Variants in IKZF1 observed in about 807,000 individuals in gnomAD.
The protein encoded by IKZF1 is IKAROS family zinc finger 1, also known as DNA-binding protein Ikaros.
IKZF1 carries 10 observed loss-of-function variants against 51.7 expected under a neutral mutation model. The ratio of observed to expected loss-of-function variants is 0.19; its 90% CI spans 0.12 to 0.33. IKZF1 has a LOEUF of 0.33. Among genes scored for constraint, IKZF1 ranks in the 10% least tolerant of loss-of-function variants. IKZF1 has a pLI of 1.00. For missense variants in IKZF1, 484 were observed against 707.5 expected, an observed-to-expected ratio of 0.68 and a Z score of 3.58; for synonymous variants, 280 against 282.3, an observed-to-expected ratio of 0.99 and a Z score of 0.08.
At chr7:50,387,283 T>G in intron 5 of IKZF1, 62 bp from the exon 6 acceptor site, 1 of 1,547,920 alleles carries the variant, frequency 6.5e-7, no homozygotes, top group Non-Finnish European at 8.7e-7. Flanking sequence ...ATTGCATGCA[T>G]TCCCCTTACA....
At chr7:50,382,488 C>T (rs1174662165) in intron 4 of IKZF1, 52 bp from the exon 5 acceptor site, 3 of 1,565,658 alleles carry the variant, frequency 1.9e-6, no homozygotes, top group Non-Finnish European at 1.7e-6. Flanking sequence ...GCATCGTCCT[C>T]ATGTCCCCAC....
At chr7:50,389,848 C>G (rs193132836) in intron 6 of IKZF1, among the ~76,000 whole-genome samples, 1 of 152,272 alleles carries the variant, frequency 6.6e-6, no homozygotes, top group Admixed American at 6.5e-5. Flanking sequence ...TGATGCATCT[C>G]TCCTCCTCTG....
chr7:50,322,277 AACAAG>A, intron 2 of IKZF1, among the ~76,000 whole-genome samples: 1 of 152,360 alleles, frequency 6.6e-6, no homozygotes, highest in East Asian at 1.9e-4. Context: ...AAGAAATCTT[AACAAG>A]AATATGTTCC....
intron 3 of IKZF1, among the ~76,000 whole-genome samples, chr7:50,349,505 C>A (rs1166860526): frequency 6.6e-6 from 1 of 152,122 alleles, no homozygotes; most frequent in African/African-American, 2.4e-5. Context: ...GGAGTGGGAA[C>A]AAAACGTGGA....
At chr7:50,344,605 A>G (rs1315276586) in intron 3 of IKZF1, among the ~76,000 whole-genome samples, 2 of 152,136 alleles carry the variant, frequency 1.3e-5, no homozygotes, top group Admixed American at 6.5e-5. Context: ...AAGCTGTTAT[A>G]CTCCCGTTAT....
At chr7:50,334,424 GTGTGTT>G (rs1797107530) in intron 3 of IKZF1, among the ~76,000 whole-genome samples, 1 of 152,042 alleles carries the variant, frequency 6.6e-6, no homozygotes, top group African/African-American at 2.4e-5. Context: ...TGTGGCATGT[GTGTGTT>G]TGTATCTATG....
At chr7:50,326,020 T>C (rs1009390804) in intron 2 of IKZF1, among the ~76,000 whole-genome samples, 1 of 152,242 alleles carries the variant, frequency 6.6e-6, no homozygotes, top group African/African-American at 2.4e-5. Flanking sequence ...GCTGGAATAT[T>C]AAATTGTGAT....
At chr7:50,395,419 G>A (rs1816434680) in intron 7 of IKZF1, among the ~76,000 whole-genome samples, 1 of 152,040 alleles carries the variant, frequency 6.6e-6, no homozygotes, top group South Asian at 2.1e-4. Context: ...TTAAAAATAT[G>A]TACTATGAAA....
chr7:50,304,960 G>A (rs1256399349), intron 1 of IKZF1, 38 bp downstream of exon 1: 3 of 152,680 alleles, frequency 2.0e-5, no homozygotes, highest in Middle Eastern at 3.4e-3. Context: ...AGGAAAACTT[G>A]GGGTAACTGG....
chr7:50,312,685 T>C (rs1237368100), intron 1 of IKZF1, among the ~76,000 whole-genome samples: 1 of 152,224 alleles, frequency 6.6e-6, no homozygotes. Context: ...TTTGAAAGGT[T>C]TCCTTAGTTC....
rs1429265956 is a variant in IKZF1 at position 50,405,101 on chromosome 7, A to G, written c.*4474A>G. On this transcript the variant is annotated 3_prime_UTR_variant, in exon 8 of 8. Transcript: ENST00000331340. ...TTGGAGGTTATGACTCCTTGGTGAA[A>G]CCTTCTCACATTCTCATTGGAAGCA... 5.4e-6 allele frequency: 1 copy of G among 184,736 alleles called. No individual in the cohort carries two copies. Among genetic ancestry groups the G allele is most frequent in the East Asian group, 8.7e-5 (1 of 11,556 alleles). The allele number at this position is 184,736 out of a possible 1,614,324, so 11.4% of individuals were successfully genotyped here.
intron 5 of IKZF1, among the ~76,000 whole-genome samples, chr7:50,384,246 G>C (rs1470775232): frequency 6.6e-6 from 1 of 152,210 alleles, no homozygotes; most frequent in African/African-American, 2.4e-5. Context: ...CTCACTCCTG[G>C]CAGGTGGTCC....
At chr7:50,316,506 C>T (rs1012697864) in intron 1 of IKZF1, among the ~76,000 whole-genome samples, 3 of 152,226 alleles carry the variant, frequency 2.0e-5, no homozygotes, top group African/African-American at 7.2e-5. Flanking sequence ...GACTTGGCTG[C>T]TGACAATAGA....
Position 50,401,272 on chromosome 7 carries a change from T to C in IKZF1, c.*645T>C. 4.3e-6 allele frequency: 1 copy of C among 231,634 alleles called. No homozygotes were observed. The highest frequency in any genetic ancestry group is 8.5e-6 in the Non-Finnish European group (1 of 117,092). 14.3% of individuals were successfully genotyped at this position (231,634 alleles called of 1,614,324 possible). A position where few individuals can be genotyped will look rare whatever the true frequency, so the allele number is the denominator to read the frequency against. ...TGAATTGGTTGGGGAAAGTCGTGTCTGTCAGACTGCCCTGGGTGGAGGGAG... is the reference window on the plus strand; with the variant it reads ...TGAATTGGTTGGGGAAAGTCGTGTCCGTCAGACTGCCCTGGGTGGAGGGAG... On this transcript the variant is annotated 3_prime_UTR_variant, in exon 8 of 8. Coordinates refer to ENST00000331340, the MANE Select transcript of IKZF1 (RefSeq NM_006060.6).
At chr7:50,334,477 T>C (rs1438335022) in intron 3 of IKZF1, among the ~76,000 whole-genome samples, 4 of 151,922 alleles carry the variant, frequency 2.6e-5, no homozygotes, top group African/African-American at 9.7e-5. Flanking sequence ...TTGTATGTTG[T>C]GTGTGTCATA....
At chr7:50,392,180 G>A (rs931999702) in intron 7 of IKZF1, among the ~76,000 whole-genome samples, 7 of 152,130 alleles carry the variant, frequency 4.6e-5, no homozygotes, top group Admixed American at 2.6e-4. Context: ...TGGCTCGTCC[G>A]GGGGACACCA....
At chr7:50,352,292 G>A (rs1490414061) in intron 3 of IKZF1, among the ~76,000 whole-genome samples, 2 of 152,154 alleles carry the variant, frequency 1.3e-5, no homozygotes, top group African/African-American at 4.8e-5. Context: ...AGTATTATCT[G>A]TCTCTTCCTC....
chr7:50,357,842 C>T (rs185503648), intron 3 of IKZF1, among the ~76,000 whole-genome samples: 2 of 152,306 alleles, frequency 1.3e-5, no homozygotes, highest in Admixed American at 6.5e-5. Flanking sequence ...CTTTGGAGTG[C>T]CTCGAATTTG....
At chr7:50,371,620 CCT>C (rs2153460618) in intron 3 of IKZF1, among the ~76,000 whole-genome samples, 1 of 152,322 alleles carries the variant, frequency 6.6e-6, no homozygotes, top group South Asian at 2.1e-4. Context: ...ACTGGAAACC[CCT>C]CTCTCAGAAG....
Sources: allele counts gnomAD v4.1 joint callset (sites outside exome capture counted in the v4.1 genomes callset), GRCh38; gene constraint gnomAD v4.1.1; transcripts MANE v1.5; gene names NCBI Gene and HGNC (gene_info 2026-07-23, HGNC 2026-07-21).